SMG6: variants seen among roughly 807,000 people sequenced by gnomAD.
SMG6 encodes the protein SMG6 nonsense mediated mRNA decay factor.
Under a neutral mutation model 142.2 loss-of-function variants are expected in SMG6, and 66 were observed. The ratio of observed to expected loss-of-function variants is 0.46; its 90% confidence interval spans 0.38 to 0.57. The LOEUF (loss-of-function observed/expected upper bound fraction) is 0.57, where lower values mean the gene tolerates loss of function less well. Ranked by LOEUF, SMG6 falls within the 20% of genes least tolerant of loss-of-function variation. The probability of loss-of-function intolerance (pLI) is 0.00; values close to 1 mark genes in which losing one functional copy is unlikely to be tolerated. For missense variants in SMG6, 1,793 were observed against 1,832.0 expected (o/e 0.98, Z 0.39); for synonymous variants, 779 against 702.4 (o/e 1.11, Z -1.72).
At chr17:2,202,884 C>G (rs2072573470) in intron 10 of SMG6, among the ~76,000 whole-genome samples, 1 of 152,190 alleles carries the variant, frequency 6.6e-6, no homozygotes, top group African/African-American at 2.4e-5. Flanking sequence ...TTCCAAAGCT[C>G]TGTACAGCAT....
chr17:2,117,310 T>G lies in SMG6; in HGVS notation c.3358-31409A>C, dbSNP rs142796064. Among the ~76,000 whole-genome samples the G allele has an allele frequency of 1.8e-3, 273 of 150,592 alleles. 1 individual carries two copies. The East Asian group carries it at 0.028, about 16-fold the overall frequency. ...ACTCACTAGTGGAGATCTCAGACAC[T>G]GTATTAAGGCAAGAAAAAAAACGCT... On this transcript the variant is annotated intron_variant, in intron 13 of 18. Transcript: ENST00000263073.
chr17:2,247,955 A>C (rs1317664221), intron 8 of SMG6, among the ~76,000 whole-genome samples: 2 of 151,498 alleles, frequency 1.3e-5, no homozygotes, highest in Non-Finnish European at 2.9e-5. Context: ...CAAACAAACG[A>C]AACAGCCAGG....
chr17:2,125,259 GGGACC>G (rs1361668059), intron 13 of SMG6, among the ~76,000 whole-genome samples: 2 of 152,258 alleles, frequency 1.3e-5, no homozygotes, highest in African/African-American at 4.8e-5. Flanking sequence ...ATAACCTGGA[GGGACC>G]GAAACCCCCT....
chr17:2,124,741 C>T (rs2069817073), intron 13 of SMG6, among the ~76,000 whole-genome samples: 1 of 152,134 alleles, frequency 6.6e-6, no homozygotes, highest in African/African-American at 2.4e-5. Context: ...CGCATCCTAC[C>T]ATTACTTCTT....
chr17:2,095,068 T>A (rs1449217354), intron 13 of SMG6: 2 of 152,224 alleles, frequency 1.3e-5, no homozygotes, highest in Non-Finnish European at 2.9e-5. Flanking sequence ...AGGACGGATA[T>A]TGGCACTGCC....
Position 2,061,638 on chromosome 17 carries a change from A to T in SMG6, c.4130-16T>A, listed in dbSNP as rs1196691783. Reference sequence around the variant, plus strand: ...ATTGGCTCCTCTGTGGGCATGAGAGAGCAGAAGGCTGTCACTGAGGACAGG... The same window carrying T: ...ATTGGCTCCTCTGTGGGCATGAGAGTGCAGAAGGCTGTCACTGAGGACAGG... On this transcript the variant is annotated splice_polypyrimidine_tract_variant and intron_variant, in intron 18 of 18. Transcript: ENST00000263073. 1 of 1,565,312 alleles carries T rather than the reference A, an allele frequency of 6.4e-7. No homozygotes were observed.
chr17:2,283,361 C>T (rs1191065767), intron 7 of SMG6, among the ~76,000 whole-genome samples: 1 of 152,162 alleles, frequency 6.6e-6, no homozygotes, highest in Non-Finnish European at 1.5e-5. Flanking sequence ...CGTACATGTA[C>T]ATCCAAGGGC....
At chr17:2,160,708 T>C (rs896564108) in intron 13 of SMG6, among the ~76,000 whole-genome samples, 2 of 152,078 alleles carry the variant, frequency 1.3e-5, no homozygotes, top group South Asian at 2.1e-4. Context: ...CGTGCGCCTA[T>C]AGTCCCCAGC....
At chr17:2,203,466 C>T (rs773829157) in intron 10 of SMG6, among the ~76,000 whole-genome samples, 7 of 152,126 alleles carry the variant, frequency 4.6e-5, no homozygotes, top group African/African-American at 1.7e-4. Flanking sequence ...GCTTGCCAGA[C>T]GTTTTGGGAA....
intron 14 of SMG6, 39 bp from the exon 15 acceptor site, chr17:2,081,995 G>A (rs1186410583): frequency 6.2e-7 from 1 of 1,611,464 alleles, no homozygotes. Context: ...AGAGGAGACA[G>A]TTAGCTGGGC....
At chr17:2,161,186 C>T (rs992778749) in intron 13 of SMG6, among the ~76,000 whole-genome samples, 1 of 150,136 alleles carries the variant, frequency 6.7e-6, no homozygotes, top group Non-Finnish European at 1.5e-5. Flanking sequence ...TGGCTCACTG[C>T]AACCTCTGCC....
At chr17:2,254,427 G>A (rs1421611617) in intron 8 of SMG6, among the ~76,000 whole-genome samples, 1 of 152,120 alleles carries the variant, frequency 6.6e-6, no homozygotes, top group Non-Finnish European at 1.5e-5. Context: ...CTCCGCCTCT[G>A]GGGTTCAAGC....
chr17:2,108,102 C>T (rs1214771128), intron 13 of SMG6, among the ~76,000 whole-genome samples: 1 of 151,978 alleles, frequency 6.6e-6, no homozygotes, highest in Non-Finnish European at 1.5e-5. Flanking sequence ...CATCCAATGC[C>T]TCAAAATAAT....
chr17:2,254,481 C>T (rs1158190662), intron 8 of SMG6, among the ~76,000 whole-genome samples: 1 of 152,226 alleles, frequency 6.6e-6, no homozygotes, highest in South Asian at 2.1e-4. Context: ...ACTAGAAGCA[C>T]GTGCCACCAA....
At chr17:2,288,300 C>T (rs543931500) in intron 6 of SMG6, among the ~76,000 whole-genome samples, 44 of 135,354 alleles carry the variant, frequency 3.3e-4, no homozygotes, top group African/African-American at 1.2e-3. Flanking sequence ...GGCCACAGAG[C>T]GAGACTCCAT....
intron 13 of SMG6, among the ~76,000 whole-genome samples, chr17:2,086,151 C>T (rs764859424): frequency 1.1e-4 from 16 of 152,100 alleles, no homozygotes; most frequent in Non-Finnish European, 1.9e-4. Flanking sequence ...GCAGACAACC[C>T]CAGGGACCAG....
intron 10 of SMG6, among the ~76,000 whole-genome samples, chr17:2,225,257 C>T (rs946276909): frequency 1.3e-5 from 2 of 150,760 alleles, no homozygotes; most frequent in Non-Finnish European, 2.9e-5. Flanking sequence ...GTGGGGAGAT[C>T]ACTTGAGGTC....
chr17:2,111,488 T>G (rs2069318149), intron 13 of SMG6, among the ~76,000 whole-genome samples: 1 of 152,158 alleles, frequency 6.6e-6, no homozygotes, highest in South Asian at 2.1e-4. Flanking sequence ...CATAGCTCAC[T>G]GCAGCCTCGA....
chr17:2,271,517 CA>C (rs1278868079), intron 8 of SMG6, among the ~76,000 whole-genome samples: 4 of 151,738 alleles, frequency 2.6e-5, no homozygotes. Flanking sequence ...AGTTCGAGAC[CA>C]GCCTGGCCAA....
Sources: gnomAD v4.1 joint callset for allele counts (sites outside exome capture counted in the v4.1 genomes callset) on GRCh38, gnomAD v4.1.1 for gene constraint, MANE v1.5 for transcripts, NCBI Gene and HGNC (gene_info 2026-07-23, HGNC 2026-07-21) for gene names.